The following FRMD3 variants were observed in gnomAD, a reference collection of about 807,000 sequenced individuals.
FRMD3 encodes FERM domain-containing protein 3.
A neutral mutation model predicts 70.2 loss-of-function variants in FRMD3; 33 were observed. The ratio of observed to expected loss-of-function variants is 0.47; its 90% CI spans 0.36 to 0.63. The LOEUF (loss-of-function observed/expected upper bound fraction) is 0.63, where lower values mean the gene tolerates loss of function less well. Ranked by LOEUF, FRMD3 falls within the 20% of genes least tolerant of loss-of-function variation. The probability of loss-of-function intolerance (pLI) is 0.00; values close to 1 mark genes in which losing one functional copy is unlikely to be tolerated. For synonymous variants in FRMD3, 279 were observed against 255.9 expected, an observed-to-expected ratio of 1.09 and a Z score of -0.86; for missense variants, 632 against 711.4, an observed-to-expected ratio of 0.89 and a Z score of 1.27.
At chr9:83,441,637 A>T (rs561100174) in intron 1 of FRMD3, among the ~76,000 whole-genome samples, 69 of 152,330 alleles carry the variant, frequency 4.5e-4, no homozygotes, top group Non-Finnish European at 8.8e-4. Flanking sequence ...ACTAGAAAAC[A>T]TCTGTTTCCT....
chr9:83,517,933 A>T (rs771389330), intron 1 of FRMD3, among the ~76,000 whole-genome samples: 64 of 152,346 alleles, frequency 4.2e-4, no homozygotes, highest in Non-Finnish European at 8.2e-4. Context: ...GATAAAATTC[A>T]ACACACCTCC....
At chr9:83,496,217 G>A (rs977872313) in intron 1 of FRMD3, among the ~76,000 whole-genome samples, 2 of 152,170 alleles carry the variant, frequency 1.3e-5, no homozygotes, top group Non-Finnish European at 1.5e-5. Context: ...GTTGATTTAT[G>A]TGAATGAAAA....
chr9:83,320,216 A>G (rs889119590), intron 6 of FRMD3, among the ~76,000 whole-genome samples: 2 of 152,060 alleles, frequency 1.3e-5, no homozygotes, highest in African/African-American at 4.8e-5. Context: ...GAAAGTGGGC[A>G]TCTTTGTCTT....
chr9:83,357,513 A>G (rs1296349823), intron 3 of FRMD3, among the ~76,000 whole-genome samples: 1 of 151,794 alleles, frequency 6.6e-6, no homozygotes, highest in Non-Finnish European at 1.5e-5. Flanking sequence ...ACTGTTTTCC[A>G]TAGTGGTTGT....
rs761884144 is a variant in FRMD3, at chr9:83,298,804, G to C, written c.1014C>G (p.Ala338=). ...TGGAACTGGCCTCCACCACCTCTTT[G>C]GCAACTTTCCCACTGCAAAAGACAG... ...GSRFRYSGKV[A]KEVVEASSKI... is the part of the protein sequence containing the mutation. Residue 338 remains alanine (A), a synonymous_variant, in exon 12 of 14, where the codon GCC becomes GCG. Transcript: ENST00000304195. The C allele has an allele frequency of 6.2e-7, 1 of 1,614,118 alleles. No individual in the cohort carries two copies. The highest frequency in any genetic ancestry group is 8.5e-7 in the Non-Finnish European group (1 of 1,179,986).
At chr9:83,313,374 T>C (rs1022950847) in intron 7 of FRMD3, among the ~76,000 whole-genome samples, 3 of 152,216 alleles carry the variant, frequency 2.0e-5, no homozygotes, top group African/African-American at 7.2e-5. Context: ...GTCAGGAGCC[T>C]GTAACTCCTC....
chr9:83,490,336 G>A (rs1004555102), intron 1 of FRMD3, among the ~76,000 whole-genome samples: 5 of 146,758 alleles, frequency 3.4e-5, no homozygotes, highest in African/African-American at 1.3e-4. Flanking sequence ...ATTACCCAGG[G>A]TGGAGTGCCA....
At chr9:83,565,813 G>A in the FRMD3 span, among the ~76,000 whole-genome samples, 12 of 152,154 alleles carry the variant, frequency 7.9e-5, no homozygotes, top group African/African-American at 2.9e-4. Flanking sequence ...TAGGCAATAC[G>A]GCAGGCCAGT....
intron 1 of FRMD3, among the ~76,000 whole-genome samples, chr9:83,475,926 C>T (rs764851320): frequency 1.3e-5 from 2 of 152,170 alleles, no homozygotes; most frequent in African/African-American, 2.4e-5. Flanking sequence ...CCTCCTCCCC[C>T]CAGGCCTCAC....
In FRMD3 at chr9:83,248,404, T is replaced by C. The variant is rs1224963306; in HGVS notation, c.1308A>G (p.Lys436=). The C allele has an allele frequency of 1.2e-6, 2 of 1,614,188 alleles. No individual in the cohort carries two copies. The highest frequency in any genetic ancestry group is 2.2e-5 in the South Asian group (2 of 91,084). The part of the protein sequence containing the change: ...DPPSEEEDKI[K]EEPLTISELV... ...GTTCAGAGATGGTTAAAGGTTCTTC[T>C]TTTATTTTATCTTCCTCTTCACTAG... Residue 436 remains lysine (K), a synonymous_variant, in exon 14 of 14, where the codon AAA becomes AAG. Transcript: ENST00000304195.
chr9:83,520,825 T>C (rs1829554268), intron 1 of FRMD3, among the ~76,000 whole-genome samples: 1 of 152,076 alleles, frequency 6.6e-6, no homozygotes, highest in Non-Finnish European at 1.5e-5. Flanking sequence ...ATGGGGTAAG[T>C]TGCTTTGAAA....
Position 83,311,978 on chromosome 9 carries a change from GAAAA to G in FRMD3, c.685-7_685-4del, listed in dbSNP as rs200178795. 1.9e-5 allele frequency: 25 copies of G among 1,326,846 alleles called. No individual in the cohort carries two copies. The highest frequency in any genetic ancestry group is 5.3e-5 in the African/African-American group (3 of 56,790). The allele number at this position is 1,326,846 out of a possible 1,614,324, so 82.2% of individuals were successfully genotyped here. A position where few individuals can be genotyped will look rare whatever the true frequency, so the allele number is the denominator to read the frequency against. ...AATGTTGTTGTGCCTGTTGAATCCTGAAAAAAAAAAAAAAGAAAAAAGAAAAATC... is the reference window on the plus strand; with the variant it reads ...AATGTTGTTGTGCCTGTTGAATCCTGAAAAAAAAAAGAAAAAAGAAAAATC... On this transcript the variant is annotated splice_region_variant and splice_polypyrimidine_tract_variant and intron_variant, in intron 7 of 13. Transcript: ENST00000304195.
intron 3 of FRMD3, among the ~76,000 whole-genome samples, chr9:83,370,044 T>C (rs1383957325): frequency 1.3e-5 from 2 of 152,164 alleles, no homozygotes; most frequent in Non-Finnish European, 2.9e-5. Context: ...GGAACATCCA[T>C]AGTCAGAAGG....
chr9:83,576,734 C>T, the FRMD3 span, among the ~76,000 whole-genome samples: 102 of 152,000 alleles, frequency 6.7e-4, no homozygotes, highest in Non-Finnish European at 1.1e-3. Flanking sequence ...TAACATTGTA[C>T]AGGAGTTTAT....
At chr9:83,460,567 T>C (rs959765200) in intron 1 of FRMD3, among the ~76,000 whole-genome samples, 2 of 152,222 alleles carry the variant, frequency 1.3e-5, no homozygotes, top group South Asian at 4.1e-4. Flanking sequence ...TCCAGTTCCA[T>C]AATTTTCATT....
intron 1 of FRMD3, among the ~76,000 whole-genome samples, chr9:83,477,242 A>C (rs565396059): frequency 6.6e-6 from 1 of 152,330 alleles, no homozygotes; most frequent in East Asian, 1.9e-4. Flanking sequence ...TTTGACAACT[A>C]GGCCAAGAAA....
intron 3 of FRMD3, among the ~76,000 whole-genome samples, chr9:83,367,292 T>A (rs1824821839): frequency 6.6e-6 from 1 of 152,162 alleles, no homozygotes; most frequent in African/African-American, 2.4e-5. Context: ...TGCCCAATCA[T>A]GAAGCCCACC....
the FRMD3 span, among the ~76,000 whole-genome samples, chr9:83,545,346 G>GTTGTTTT: frequency 8.5e-6 from 1 of 117,334 alleles, no homozygotes; most frequent in African/African-American, 3.0e-5. Context: ...GAAAAGTGTT[G>GTTGTTTT]TTTTTTTTTG....
intron 3 of FRMD3, among the ~76,000 whole-genome samples, chr9:83,368,972 A>C (rs891715582): frequency 6.6e-6 from 1 of 152,030 alleles, no homozygotes; most frequent in African/African-American, 2.4e-5. Context: ...CTCCTGCCTC[A>C]GCCTCCCGAG....
Sources: gnomAD v4.1 joint callset for allele counts (sites outside exome capture counted in the v4.1 genomes callset) on GRCh38, gnomAD v4.1.1 for gene constraint, MANE v1.5 for transcripts, NCBI Gene and HGNC (gene_info 2026-07-23, HGNC 2026-07-21) for gene names.